Variants in GCNA observed in about 807,000 individuals in gnomAD.
GCNA encodes the protein germ cell nuclear acidic peptidase.
GCNA carries 3 observed loss-of-function variants against 38.8 expected under a neutral mutation model. That is an observed-to-expected ratio of 0.08 (90% CI 0.04 to 0.20). The LOEUF is 0.20. Among genes scored for constraint, GCNA ranks in the 10% least tolerant of loss-of-function variants. The pLI is 1.00. For synonymous variants in GCNA, 195 were observed against 240.2 expected (o/e 0.81, Z 1.74); for missense variants, 446 against 578.6 (o/e 0.77, Z 2.35).
In GCNA at chrX:71,584,764, AG is replaced by A. The variant is rs763328881; in HGVS notation, c.59+3886del. ...GCACCTGTAGTCCCAGCTACTCGGGAGGCTGAGGCGGGAGAATGGCGTGAAC... is the reference window on the plus strand; with the variant it reads ...GCACCTGTAGTCCCAGCTACTCGGGAGCTGAGGCGGGAGAATGGCGTGAAC... On this transcript the variant is annotated intron_variant, in intron 2 of 12. Transcript: ENST00000373696. Among the ~76,000 whole-genome samples, 42 of 110,526 alleles carry A rather than the reference AG, an allele frequency of 3.8e-4. No homozygotes were observed. In the East Asian group the frequency reaches 0.012, roughly 31 times the overall value.
chrX:71,579,894 T>C (rs995523128), intron 1 of GCNA, among the ~76,000 whole-genome samples: 30 of 106,234 alleles, frequency 2.8e-4, no homozygotes, highest in African/African-American at 8.6e-4. Flanking sequence ...GGTCAAGGCC[T>C]GTTTGGTCGA....
At chrX:71,583,658 C>T (rs1306018970) in intron 2 of GCNA, among the ~76,000 whole-genome samples, 1 of 108,815 alleles carries the variant, frequency 9.2e-6, no homozygotes, top group Non-Finnish European at 1.9e-5. Context: ...AGCAGATGTA[C>T]CAAGAGCTAT....
At chrX:71,590,687 AT>A (rs768866231) in intron 2 of GCNA, among the ~76,000 whole-genome samples, 186 of 103,093 alleles carry the variant, frequency 1.8e-3, no homozygotes, top group African/African-American at 1.6e-3. Flanking sequence ...GCTAAGTCTA[AT>A]TTTTTTTTTT....
chrX:71,582,460 A>C (rs866088907), intron 2 of GCNA, among the ~76,000 whole-genome samples: 3 of 110,320 alleles, frequency 2.7e-5, no homozygotes, highest in South Asian at 3.9e-4. Context: ...ATTTGCAAAA[A>C]GTTTGATGAT....
chrX:71,583,807 C>T (rs1029912949), intron 2 of GCNA, among the ~76,000 whole-genome samples: 5 of 100,723 alleles, frequency 5.0e-5, no homozygotes, highest in Middle Eastern at 0.011. Flanking sequence ...AAGCAATTTT[C>T]GTGCCTGAGC....
chrX:71,578,794 G>A (rs1048009497), intron 1 of GCNA, among the ~76,000 whole-genome samples: 2 of 110,453 alleles, frequency 1.8e-5, no homozygotes, highest in South Asian at 3.8e-4. Flanking sequence ...CGGTGGCGGC[G>A]TAGGAGCAGC....
At chrX:71,584,321 ACT>A (rs1177791029) in intron 2 of GCNA, among the ~76,000 whole-genome samples, 1 of 110,549 alleles carries the variant, frequency 9.0e-6, no homozygotes, top group Admixed American at 9.5e-5. Context: ...CATGATCATG[ACT>A]CACTGCAACC....
rs754252321 is a variant in GCNA, at chrX:71,595,124, TGA to T, written c.221+347_221+348del. ...GTTTAGTTTTGTTTTGTTTTGAGAC[TGA>T]GTCTTGCTCGACCAGGTTCGAGTGC... On this transcript the variant is annotated intron_variant, in intron 6 of 12. Coordinates refer to ENST00000373696, the MANE Select transcript of GCNA (RefSeq NM_052957.5). 1.9e-3 allele frequency among the ~76,000 whole-genome samples: 211 copies of T among 111,985 alleles called. 1 individual carries two copies. Among genetic ancestry groups the T allele is most frequent in the Non-Finnish European group, 3.6e-3 (193 of 53,150 alleles).
chrX:71,585,159 C>G (rs1329928898), intron 2 of GCNA, among the ~76,000 whole-genome samples: 2 of 109,475 alleles, frequency 1.8e-5, no homozygotes, highest in East Asian at 5.7e-4. Flanking sequence ...AAAAAAAATA[C>G]AAAAATTAGC....
rs775811765 is a variant in GCNA at position 71,604,491 on chromosome X, C to T, written c.1214C>T (p.Pro405Leu). The T allele has an allele frequency of 8.3e-7, 1 of 1,202,329 alleles. No homozygotes were observed. The highest frequency in any genetic ancestry group is 1.1e-6 in the Non-Finnish European group (1 of 890,446). ...RKLPTEEEPAPVVEQSGKRKS... is the reference protein window; with the variant it reads ...RKLPTEEEPALVVEQSGKRKS... ...CTGCCAACTGAGGAAGAGCCTGCACCTGTGGTGGAACAATCAGGGAAAAGG... is the reference window on the plus strand; with the variant it reads ...CTGCCAACTGAGGAAGAGCCTGCACTTGTGGTGGAACAATCAGGGAAAAGG... The change falls in exon 8 of 13, where the codon CCT becomes CTT. Residue 405 changes from proline (P) to leucine (L), a missense_variant. Coordinates refer to ENST00000373696, the MANE Select transcript of GCNA (RefSeq NM_052957.5).
At position 71,609,061 on chromosome X, in the gene GCNA, G is replaced by A. The variant is rs1238204065; in HGVS notation, c.1555G>A (p.Asp519Asn). 2.5e-6 allele frequency: 3 copies of A among 1,209,670 alleles called. No homozygotes were observed. The African/African-American group carries it at 5.2e-5, about 21-fold the overall frequency. The change falls in exon 10 of 13, where the codon GAT becomes AAT. Residue 519 changes from aspartate (D) to asparagine (N), a missense_variant. Asp to Asn is a conservative substitution (Grantham distance 23, BLOSUM62 1). Around this residue, in one of 7 missense-constraint regions of GCNA, gnomAD observed 160 missense variants for 165.2 expected, o/e 0.97. Transcript: ENST00000373696. ...TGGAAAAAATTTAAAGCGAAATAAGGATGAATTGGTTCAGAGAATCTACGA... is the reference window on the plus strand; with the variant it reads ...TGGAAAAAATTTAAAGCGAAATAAGAATGAATTGGTTCAGAGAATCTACGA... ...YSGKNLKRNK[D>N]ELVQRIYDLF...
At chrX:71,581,056 A>G (rs759162937) in intron 2 of GCNA, among the ~76,000 whole-genome samples, 176 bp downstream of exon 2, 7 of 112,011 alleles carry the variant, frequency 6.2e-5, no homozygotes, top group Non-Finnish European at 9.4e-5. Context: ...CTCCTATGAA[A>G]TTCTTGAATC....
chrX:71,584,954 C>G (rs969423000), intron 2 of GCNA, among the ~76,000 whole-genome samples: 2 of 111,284 alleles, frequency 1.8e-5, no homozygotes, highest in African/African-American at 6.5e-5. Flanking sequence ...TGATCCTGGG[C>G]TTTTCTTTGT....
chrX:71,612,022 C>T (rs186375211), intron 11 of GCNA, among the ~76,000 whole-genome samples: 80 of 108,241 alleles, frequency 7.4e-4, no homozygotes, highest in African/African-American at 2.6e-3. Context: ...CCTGTAATCC[C>T]AGCACTTAGG....
At chrX:71,597,203 A>G (rs2040678064) in intron 6 of GCNA, among the ~76,000 whole-genome samples, 1 of 112,205 alleles carries the variant, frequency 8.9e-6, no homozygotes, top group African/African-American at 3.2e-5. Context: ...GGCAGTGTCA[A>G]AGTGGTAAAC....
chrX:71,593,004 C>G (rs754367455), intron 4 of GCNA, among the ~76,000 whole-genome samples: 1 of 112,023 alleles, frequency 8.9e-6, no homozygotes, highest in Non-Finnish European at 1.9e-5. Context: ...AGTGATTCTT[C>G]TGCCTCAGCC....
chrX:71,583,112 A>G (rs1385307697), intron 2 of GCNA, among the ~76,000 whole-genome samples: 1 of 112,458 alleles, frequency 8.9e-6, no homozygotes, highest in Non-Finnish European at 1.9e-5. Context: ...CAATGCATAT[A>G]GCATAATATT....
intron 1 of GCNA, among the ~76,000 whole-genome samples, chrX:71,579,366 G>A (rs1301680508): frequency 1.1e-5 from 1 of 94,882 alleles, no homozygotes; most frequent in African/African-American, 3.9e-5. Context: ...AGAAGTGGAG[G>A]CGCCGGTGGC....
intron 2 of GCNA, among the ~76,000 whole-genome samples, chrX:71,582,077 C>G (rs1782668949): frequency 9.2e-6 from 1 of 108,736 alleles, no homozygotes; most frequent in African/African-American, 3.4e-5. Context: ...GTCCTGAGAC[C>G]AGCCTGAGCA....
Sources: gnomAD v4.1 joint callset for allele counts (sites outside exome capture counted in the v4.1 genomes callset) on GRCh38, gnomAD v4.1.1 for gene constraint, gnomAD v4.1.1 regional missense constraint, MANE v1.5 for transcripts, NCBI Gene and HGNC (gene_info 2026-07-23, HGNC 2026-07-21) for gene names.